CCDC93: variants seen among roughly 807,000 people sequenced by gnomAD.
CCDC93 encodes the protein coiled-coil domain-containing protein 93.
Under a neutral mutation model 108.2 loss-of-function variants are expected in CCDC93, and 61 were observed. The observed-to-expected ratio is 0.56, with a 90% CI of 0.46 to 0.70. CCDC93 has a LOEUF of 0.70. CCDC93 is among the 30% of genes least tolerant of loss of function. The pLI is 0.00. For synonymous variants in CCDC93, 276 were observed against 260.4 expected, an observed-to-expected ratio of 1.06 and a Z score of -0.58; for missense variants, 685 against 764.2, an observed-to-expected ratio of 0.90 and a Z score of 1.22.
rs994879514 is a variant in CCDC93 at position 118,011,799 on chromosome 2, G to A, written c.42+2155C>T. Among the ~76,000 whole-genome samples, 3 of 152,260 alleles carry A rather than the reference G, an allele frequency of 2.0e-5. No individual in the cohort carries two copies. In the East Asian group the frequency reaches 5.8e-4, roughly 29 times the overall value. ...CCCTAGCATGGAGAAGTTTACTTTT[G>A]CAATATAACTTGTGAAGTAATTTTG... On this transcript the variant is annotated intron_variant, in intron 1 of 23. Coordinates refer to ENST00000376300, the MANE Select transcript of CCDC93 (RefSeq NM_019044.5).
chr2:117,978,719 C>A (rs1413378308), intron 7 of CCDC93, among the ~76,000 whole-genome samples: 1 of 152,118 alleles, frequency 6.6e-6, no homozygotes, highest in African/African-American at 2.4e-5. Flanking sequence ...CAAATTGAGC[C>A]AGGCGCGCTG....
intron 23 of CCDC93, among the ~76,000 whole-genome samples, chr2:117,923,578 G>A (rs867803163): frequency 6.6e-5 from 10 of 152,142 alleles, no homozygotes; most frequent in Admixed American, 1.3e-4. Flanking sequence ...AGGGGCACCC[G>A]CCATTTCTGA....
intron 21 of CCDC93, chr2:117,936,438 T>C (rs1367111760): frequency 1.0e-5 from 4 of 401,992 alleles, no homozygotes; most frequent in Non-Finnish European, 1.8e-5. Context: ...AGAGAGATTT[T>C]AGTAGGTGGG....
chr2:117,916,153 GCCA>G lies in CCDC93; in HGVS notation c.*4187_*4189del, dbSNP rs1038778539. The stretch of plus-strand genomic sequence containing the variant: ...TGGAGTGCCTACATGTCACACTCCT[GCCA>G]CCACCGTATCTAGTGCTGCCACCCA... On this transcript the variant is annotated 3_prime_UTR_variant, in exon 24 of 24. Transcript: ENST00000376300. 3.9e-5 allele frequency: 6 copies of G among 152,162 alleles called. No homozygotes were observed. The highest frequency in any genetic ancestry group is 9.6e-5 in the African/African-American group (4 of 41,508). 9.4% of individuals were successfully genotyped at this position (152,162 alleles called of 1,614,324 possible).
intron 11 of CCDC93, among the ~76,000 whole-genome samples, chr2:117,965,928 T>C (rs1352144798): frequency 6.6e-6 from 1 of 152,138 alleles, no homozygotes; most frequent in Non-Finnish European, 1.5e-5. Flanking sequence ...ATTGTATTAA[T>C]TTAAAAATAT....
In CCDC93 at chr2:117,916,679, G is replaced by T; in HGVS notation, c.*3664C>A. 6.6e-6 allele frequency: 1 copy of T among 152,366 alleles called. No homozygotes were observed. 9.4% of individuals were successfully genotyped at this position (152,366 alleles called of 1,614,324 possible). The stretch of plus-strand genomic sequence containing the variant: ...GGGCAGGCAATGGGGACGGATGTAA[G>T]GCTGGCGTGGAACATCCACGGTATT... On this transcript the variant is annotated 3_prime_UTR_variant, in exon 24 of 24. Transcript: ENST00000376300.
chr2:117,959,984 C>A (rs1679335961), intron 11 of CCDC93, among the ~76,000 whole-genome samples: 1 of 152,188 alleles, frequency 6.6e-6, no homozygotes, highest in African/African-American at 2.4e-5. Context: ...AAATCACTTA[C>A]AAAAACAGAA....
intron 3 of CCDC93, among the ~76,000 whole-genome samples, chr2:118,006,261 C>G (rs969192795): frequency 2.6e-5 from 4 of 152,132 alleles, no homozygotes; most frequent in African/African-American, 9.7e-5. Flanking sequence ...ACACAGAGAC[C>G]CACTGGAAGG....
At chr2:117,948,214 T>C (rs766229778) in intron 14 of CCDC93, 28 bp from the exon 15 acceptor site, 4 of 1,524,726 alleles carry the variant, frequency 2.6e-6, no homozygotes, top group Non-Finnish European at 3.6e-6. Flanking sequence ...AAAAATGACA[T>C]ATGGCAGGCC....
At chr2:117,984,756 C>A (rs1445753799) in intron 7 of CCDC93, among the ~76,000 whole-genome samples, 1 of 152,198 alleles carries the variant, frequency 6.6e-6, no homozygotes, top group East Asian at 1.9e-4. Context: ...CTCTCCAGCT[C>A]TGGCTCTCCC....
At position 117,921,152 on chromosome 2, in the gene CCDC93, G is replaced by T. The variant is rs369197558; in HGVS notation, c.1843-756C>A. 4.0e-5 allele frequency among the ~76,000 whole-genome samples: 6 copies of T among 150,610 alleles called. No homozygotes were observed. In the South Asian group the frequency reaches 6.3e-4, roughly 16 times the overall value. ...AGATTGTGCCACTGCACTCCAGCCT[G>T]GGTGACAGAGCAAGGCTCTGTCTCA... On this transcript the variant is annotated intron_variant, in intron 23 of 23. Transcript: ENST00000376300.
Position 117,958,444 on chromosome 2 carries a change from A to C in CCDC93, c.926T>G (p.Leu309Ter), listed in dbSNP as rs925540598. ...ELSAEESPEK[L>*]GTSQLHRRKV... ...CCGGCGATGTAGCTGGGAGGTTCCT[A>C]ATTTTTCTGGACTTTCTTCAGCTGA... is the stretch of plus-strand genomic sequence containing the variant. Residue 309 changes from leucine (L) to a stop codon, truncating the protein, a stop_gained, in exon 12 of 24, where the codon TTA (leucine) becomes TGA (stop). Transcript: ENST00000376300. LOFTEE classifies it high-confidence loss of function. The C allele has an allele frequency of 6.2e-7, 1 of 1,613,488 alleles. No individual in the cohort carries two copies. Among genetic ancestry groups the C allele is most frequent in the Non-Finnish European group, 8.5e-7 (1 of 1,179,428 alleles).
chr2:117,931,744 CT>C (rs1678341309), intron 22 of CCDC93: 2 of 152,168 alleles, frequency 1.3e-5, no homozygotes, highest in Admixed American at 1.3e-4. Context: ...AATATTCCTG[CT>C]GATTGCTAAC....
At chr2:117,980,522 C>T (rs548529858) in intron 7 of CCDC93, among the ~76,000 whole-genome samples, 1 of 152,154 alleles carries the variant, frequency 6.6e-6, no homozygotes, top group African/African-American at 2.4e-5. Flanking sequence ...AAGACAGAGG[C>T]TCTGGGAAGA....
chr2:117,988,859 T>C, intron 6 of CCDC93, among the ~76,000 whole-genome samples: 1 of 152,212 alleles, frequency 6.6e-6, no homozygotes, highest in Non-Finnish European at 1.5e-5. Context: ...CATTTTCTTT[T>C]ACATGAGCTC....
intron 3 of CCDC93, among the ~76,000 whole-genome samples, chr2:118,005,386 T>C (rs955165069): frequency 2.6e-5 from 4 of 152,174 alleles, no homozygotes; most frequent in Non-Finnish European, 2.9e-5. Flanking sequence ...GCCACAGGTA[T>C]AGGAAGCAAT....
intron 20 of CCDC93, among the ~76,000 whole-genome samples, chr2:117,938,457 C>T (rs986550106): frequency 3.3e-5 from 5 of 151,444 alleles, no homozygotes; most frequent in African/African-American, 7.3e-5. Flanking sequence ...GTGGGTGCAG[C>T]GCACCAGCAT....
chr2:117,949,688 G>C (rs1190957319), intron 13 of CCDC93: 1 of 877,992 alleles, frequency 1.1e-6, no homozygotes, highest in East Asian at 1.2e-4. Context: ...ATGTGAATGT[G>C]TTACTTATTC....
chr2:117,922,459 G>A (rs989315189), intron 23 of CCDC93, among the ~76,000 whole-genome samples: 19 of 152,148 alleles, frequency 1.2e-4, no homozygotes, highest in African/African-American at 3.9e-4. Context: ...GTTATGTACC[G>A]AAAGCCAGCT....
Sources: gnomAD v4.1 joint callset for allele counts (sites outside exome capture counted in the v4.1 genomes callset) on GRCh38, gnomAD v4.1.1 for gene constraint, MANE v1.5 for transcripts, NCBI Gene and HGNC (gene_info 2026-07-23, HGNC 2026-07-21) for gene names.